Variants in MYT1L observed in about 807,000 individuals in gnomAD.
MYT1L encodes myelin transcription factor 1 like.
In MYT1L, 12 loss-of-function variants were observed where a neutral mutation model predicts 126.7. The observed-to-expected ratio is 0.09, with a 90% CI of 0.06 to 0.15. The LOEUF (loss-of-function observed/expected upper bound fraction) is 0.15, where lower values mean the gene tolerates loss of function less well. Ranked by LOEUF, MYT1L falls within the 10% of genes least tolerant of loss-of-function variation. The probability of loss-of-function intolerance (pLI) is 1.00; values close to 1 mark genes in which losing one functional copy is unlikely to be tolerated. For synonymous variants in MYT1L, 541 were observed against 604.2 expected (o/e 0.90, Z 1.53); for missense variants, 979 against 1,585.2 (o/e 0.62, Z 6.49).
intron 3 of MYT1L, among the ~76,000 whole-genome samples, chr2:2,114,466 C>T (rs1001264643): frequency 2.0e-5 from 3 of 152,178 alleles, no homozygotes; most frequent in Admixed American, 6.5e-5. Context: ...CCCTTATAAT[C>T]GCCCAGTTTA....
intron 2 of MYT1L, among the ~76,000 whole-genome samples, chr2:2,183,218 T>C (rs2091726999): frequency 6.6e-6 from 1 of 151,816 alleles, no homozygotes; most frequent in African/African-American, 2.4e-5. Flanking sequence ...CCTAGAGTAG[T>C]GAAGAGCCAG....
chr2:2,183,546 T>C (rs953252759), intron 2 of MYT1L, among the ~76,000 whole-genome samples: 1 of 152,190 alleles, frequency 6.6e-6, no homozygotes, highest in African/African-American at 2.4e-5. Flanking sequence ...TTTGAAATCA[T>C]GCTGTACTTG....
At chr2:2,014,844 T>C (rs551273740) in intron 4 of MYT1L, among the ~76,000 whole-genome samples, 13 of 152,220 alleles carry the variant, frequency 8.5e-5, no homozygotes, top group African/African-American at 2.9e-4. Flanking sequence ...TTAAGAGGGG[T>C]GCTATCAGCC....
chr2:2,063,055 C>T (rs1187352993), intron 3 of MYT1L, among the ~76,000 whole-genome samples: 1 of 152,148 alleles, frequency 6.6e-6, no homozygotes, highest in Non-Finnish European at 1.5e-5. Context: ...ATCCCTTTGC[C>T]ATTTTGTTCT....
chr2:1,987,972 C>A (rs2061173663), intron 5 of MYT1L, among the ~76,000 whole-genome samples: 2 of 152,214 alleles, frequency 1.3e-5, no homozygotes, highest in South Asian at 2.1e-4. Context: ...TTAATAATTT[C>A]TTTGCGTTTC....
At chr2:1,939,956 G>C (rs1462601719) in intron 9 of MYT1L, among the ~76,000 whole-genome samples, 1 of 152,240 alleles carries the variant, frequency 6.6e-6, no homozygotes, top group African/African-American at 2.4e-5. Flanking sequence ...GCATTTGTTT[G>C]CCTTAGAAAT....
At chr2:1,923,547 T>C (rs1420543685) in intron 9 of MYT1L, among the ~76,000 whole-genome samples, 2 of 152,250 alleles carry the variant, frequency 1.3e-5, no homozygotes, top group Admixed American at 1.3e-4. Flanking sequence ...ATTTTAAAAA[T>C]TAATTTTGTA....
intron 2 of MYT1L, among the ~76,000 whole-genome samples, chr2:2,275,420 G>C (rs2095342335): frequency 6.6e-6 from 1 of 152,180 alleles, no homozygotes; most frequent in South Asian, 2.1e-4. Context: ...GCTACTTCTG[G>C]TCATGGGATG....
chr2:1,987,858 G>T (rs996453075), intron 5 of MYT1L, among the ~76,000 whole-genome samples: 1 of 152,190 alleles, frequency 6.6e-6, no homozygotes, highest in East Asian at 1.9e-4. Flanking sequence ...TCATCAGGAC[G>T]TTCATGGGTC....
chr2:1,940,181 T>C (rs2056479603), intron 9 of MYT1L, among the ~76,000 whole-genome samples: 1 of 151,808 alleles, frequency 6.6e-6, no homozygotes, highest in Non-Finnish European at 1.5e-5. Flanking sequence ...AGCAGGTAGG[T>C]TATCTCTCAA....
intron 2 of MYT1L, among the ~76,000 whole-genome samples, chr2:2,249,478 A>G (rs997525700): frequency 1.3e-5 from 2 of 151,958 alleles, no homozygotes; most frequent in African/African-American, 2.4e-5. Context: ...TGCAATCTCT[A>G]TTAAAATATC....
At chr2:2,132,981 C>T (rs1307882311) in intron 3 of MYT1L, among the ~76,000 whole-genome samples, 1 of 152,054 alleles carries the variant, frequency 6.6e-6, no homozygotes, top group African/African-American at 2.4e-5. Flanking sequence ...TGTCTCTTTT[C>T]ATATTCACTG....
chr2:2,098,032 T>C (rs544676754), intron 3 of MYT1L, among the ~76,000 whole-genome samples: 1 of 152,176 alleles, frequency 6.6e-6, no homozygotes, highest in Non-Finnish European at 1.5e-5. Context: ...TTCTTTACCT[T>C]CCACCATGAT....
At chr2:2,298,108 C>G (rs924811101) in intron 1 of MYT1L, among the ~76,000 whole-genome samples, 1 of 152,166 alleles carries the variant, frequency 6.6e-6, no homozygotes, top group Non-Finnish European at 1.5e-5. Flanking sequence ...TCTGATTAAG[C>G]CTGGCTTTTA....
At chr2:2,293,671 TC>T (rs1481133670) in intron 1 of MYT1L, among the ~76,000 whole-genome samples, 3 of 152,162 alleles carry the variant, frequency 2.0e-5, no homozygotes, top group African/African-American at 7.2e-5. Flanking sequence ...GGCCAAAGCT[TC>T]CGCCTGAGGC....
In MYT1L at chr2:1,934,196, G is replaced by A. The variant is rs190311930; in HGVS notation, c.505+8786C>T. Among the ~76,000 whole-genome samples the A allele has an allele frequency of 5.4e-3, 815 of 150,894 alleles. 12 individuals are homozygous for A. The highest frequency in any genetic ancestry group is 4.8e-3 in the African/African-American group (199 of 41,108). On this transcript the variant is annotated intron_variant, in intron 9 of 24. Coordinates refer to ENST00000647738, the MANE Select transcript of MYT1L (RefSeq NM_001303052.2). ...TCATCGTGTTAGCCAGGATGGTCTCGATCTCCTGACCTCGTGATCCTCCCG... is the reference window on the plus strand; with the variant it reads ...TCATCGTGTTAGCCAGGATGGTCTCAATCTCCTGACCTCGTGATCCTCCCG...
intron 5 of MYT1L, among the ~76,000 whole-genome samples, chr2:1,985,985 A>T (rs1295676828): frequency 6.6e-6 from 1 of 152,214 alleles, no homozygotes; most frequent in African/African-American, 2.4e-5. Context: ...GGACAGCCAT[A>T]GGAAGTGCAC....
chr2:1,861,244 C>G (rs747355328), intron 18 of MYT1L, among the ~76,000 whole-genome samples: 1 of 152,054 alleles, frequency 6.6e-6, no homozygotes, highest in Non-Finnish European at 1.5e-5. Context: ...TATCTCCCTC[C>G]GGGAGGGTTT....
intron 3 of MYT1L, among the ~76,000 whole-genome samples, chr2:2,122,170 A>C (rs2081108251): frequency 6.6e-6 from 1 of 152,074 alleles, no homozygotes; most frequent in African/African-American, 2.4e-5. Context: ...TCTCCCACTC[A>C]CTTTAAGAGT....
Sources: gnomAD v4.1 joint callset for allele counts (sites outside exome capture counted in the v4.1 genomes callset) on GRCh38, gnomAD v4.1.1 for gene constraint, MANE v1.5 for transcripts, NCBI Gene and HGNC (gene_info 2026-07-23, HGNC 2026-07-21) for gene names.